The following ITSN1 variants were observed in gnomAD, a reference collection of about 807,000 sequenced individuals.
ITSN1 encodes the protein intersectin-1.
A neutral mutation model predicts 239.8 loss-of-function variants in ITSN1; 58 were observed. That is an observed-to-expected ratio of 0.24 (90% confidence interval 0.20 to 0.30). The LOEUF (loss-of-function observed/expected upper bound fraction) is 0.30, where lower values mean the gene tolerates loss of function less well. Ranked by LOEUF, ITSN1 falls within the 10% of genes least tolerant of loss-of-function variation. The pLI is 1.00. For synonymous variants in ITSN1, 780 were observed against 770.8 expected (o/e 1.01, Z -0.20); for missense variants, 1,558 against 2,103.3 (o/e 0.74, Z 5.07).
chr21:33,898,765 C>G lies in ITSN1; in HGVS notation c.*10465C>G, dbSNP rs1986931011. ...GGTTTTCAACATTTCTTTGAACAGGCTGCGTGCATCTTAATGCTGTCAACC... is the reference window on the plus strand; with the variant it reads ...GGTTTTCAACATTTCTTTGAACAGGGTGCGTGCATCTTAATGCTGTCAACC... On this transcript the variant is annotated 3_prime_UTR_variant, in exon 40 of 40. Transcript: ENST00000381318. 1 of 152,226 alleles carries G rather than the reference C, an allele frequency of 6.6e-6. No individual in the cohort carries two copies. The highest frequency in any genetic ancestry group is 2.4e-5 in the African/African-American group (1 of 41,454). The allele number at this position is 152,226 out of a possible 1,614,324, so 9.4% of individuals were successfully genotyped here. A position where few individuals can be genotyped will look rare whatever the true frequency, so the allele number is the denominator to read the frequency against.
At chr21:33,863,235 G>A (rs1403706568) in intron 31 of ITSN1, among the ~76,000 whole-genome samples, 1 of 152,210 alleles carries the variant, frequency 6.6e-6, no homozygotes, top group Non-Finnish European at 1.5e-5. Context: ...TGCTGGTTGG[G>A]TAACTCTGTT....
At chr21:33,854,443 G>A (rs564793073) in intron 29 of ITSN1, among the ~76,000 whole-genome samples, 4 of 152,250 alleles carry the variant, frequency 2.6e-5, no homozygotes, top group Non-Finnish European at 4.4e-5. Flanking sequence ...CCTTCAACAA[G>A]AAATGGCCTG....
chr21:33,719,457 C>G (rs145947899), intron 2 of ITSN1, among the ~76,000 whole-genome samples: 1 of 152,246 alleles, frequency 6.6e-6, no homozygotes, highest in Non-Finnish European at 1.5e-5. Flanking sequence ...AACAAACAAA[C>G]AAACAATACC....
chr21:33,772,334 G>GA lies in ITSN1; in HGVS notation c.1305+12dup, dbSNP rs1430947876. On this transcript the variant is annotated intron_variant, in intron 12 of 39. Coordinates refer to ENST00000381318, the MANE Select transcript of ITSN1 (RefSeq NM_003024.3). Reference sequence around the variant, plus strand: ...ATTGAGAGGCGAGAGGTAAGCAGGCGAGAGTGGAGCCACCCGGAGTTAGTG... The same window carrying GA: ...ATTGAGAGGCGAGAGGTAAGCAGGCGAAGAGTGGAGCCACCCGGAGTTAGTG... 4.5e-6 allele frequency: 7 copies of GA among 1,550,844 alleles called. No individual in the cohort carries two copies. The East Asian group carries it at 1.7e-4, about 38-fold the overall frequency.
chr21:33,879,983 T>G (rs149152602), intron 34 of ITSN1, among the ~76,000 whole-genome samples: 100 of 152,250 alleles, frequency 6.6e-4, no homozygotes, highest in African/African-American at 2.1e-3. Flanking sequence ...TCCAGCCTAG[T>G]TCTTGTGCTT....
intron 39 of ITSN1, among the ~76,000 whole-genome samples, 200 bp downstream of exon 39, chr21:33,886,660 G>A (rs1020524305): frequency 1.3e-5 from 2 of 152,206 alleles, no homozygotes; most frequent in Non-Finnish European, 2.9e-5. Flanking sequence ...GACAGAGCAT[G>A]CTTGGTCTAG....
chr21:33,642,961 C>T (rs2087540410), intron 1 of ITSN1, among the ~76,000 whole-genome samples: 1 of 150,254 alleles, frequency 6.7e-6, no homozygotes, highest in South Asian at 2.1e-4. Flanking sequence ...AGGCCGGGGG[C>T]CGCGGTGGGC....
In ITSN1 at chr21:33,718,871, A is replaced by C; in HGVS notation, c.28+15A>C. 6.2e-7 allele frequency: 1 copy of C among 1,610,268 alleles called. No individual in the cohort carries two copies. Among genetic ancestry groups the C allele is most frequent in the Non-Finnish European group, 8.5e-7 (1 of 1,177,170 alleles). Reference sequence around the variant, plus strand: ...ACCTTTTGGTGGTAAGTTTTCAGAAATTTCTCTTTTTAATGTACTTTGGGA... The same window carrying C: ...ACCTTTTGGTGGTAAGTTTTCAGAACTTTCTCTTTTTAATGTACTTTGGGA... On this transcript the variant is annotated intron_variant, in intron 2 of 39. Transcript: ENST00000381318.
intron 1 of ITSN1, among the ~76,000 whole-genome samples, chr21:33,655,552 G>T (rs67018442): frequency 0.12 from 17,375 of 150,150 alleles, 1,124 homozygotes; most frequent in East Asian, 0.25. Flanking sequence ...CCCAGAGTGG[G>T]TAGGATTACA....
intron 1 of ITSN1, among the ~76,000 whole-genome samples, chr21:33,678,913 G>A (rs182663979): frequency 6.6e-5 from 10 of 152,158 alleles, no homozygotes; most frequent in South Asian, 4.2e-4. Context: ...AGGGTTTCAC[G>A]GAAGCAGAGA....
At position 33,897,300 on chromosome 21, in the gene ITSN1, C is replaced by T. The variant is rs1986838589; in HGVS notation, c.*9000C>T. On this transcript the variant is annotated 3_prime_UTR_variant, in exon 40 of 40. Coordinates refer to ENST00000381318, the MANE Select transcript of ITSN1 (RefSeq NM_003024.3). ...GTGCCCTCCATGACCCTTCTTATCCCTTGGTGGCCCTGCATAGATAGGGGA... is the reference window on the plus strand; with the variant it reads ...GTGCCCTCCATGACCCTTCTTATCCTTTGGTGGCCCTGCATAGATAGGGGA... 2 of 152,352 alleles carry T rather than the reference C, an allele frequency of 1.3e-5. No individual in the cohort carries two copies. The highest frequency in any genetic ancestry group is 1.3e-4 in the Admixed American group (2 of 15,284). 9.4% of individuals were successfully genotyped at this position (152,352 alleles called of 1,614,324 possible).
intron 33 of ITSN1, among the ~76,000 whole-genome samples, chr21:33,868,106 T>G (rs1981985683): frequency 6.6e-6 from 1 of 152,184 alleles, no homozygotes; most frequent in Non-Finnish European, 1.5e-5. Flanking sequence ...CCTGCTTTTA[T>G]TCTCTTATCT....
intron 30 of ITSN1, among the ~76,000 whole-genome samples, chr21:33,858,087 G>T (rs1195350061): frequency 6.6e-6 from 1 of 152,126 alleles, no homozygotes; most frequent in African/African-American, 2.4e-5. Context: ...GCTTGGAGGG[G>T]CTCATTCATT....
At chr21:33,795,227 G>A (rs2071447237) in intron 17 of ITSN1, among the ~76,000 whole-genome samples, 1 of 152,180 alleles carries the variant, frequency 6.6e-6, no homozygotes, top group African/African-American at 2.4e-5. Context: ...GAGGTGGGCG[G>A]ATCACGAGGT....
intron 1 of ITSN1, among the ~76,000 whole-genome samples, chr21:33,681,448 T>C (rs1474244559): frequency 1.3e-5 from 2 of 151,954 alleles, no homozygotes; most frequent in South Asian, 2.1e-4. Context: ...AGTAACGTAT[T>C]CTGAGGCAGG....
chr21:33,874,576 G>C (rs762472983), intron 33 of ITSN1, among the ~76,000 whole-genome samples: 1 of 152,128 alleles, frequency 6.6e-6, no homozygotes, highest in Non-Finnish European at 1.5e-5. Flanking sequence ...ACTGGGCCTG[G>C]GATGCCTGGG....
At chr21:33,653,763 C>T (rs764374184) in intron 1 of ITSN1, among the ~76,000 whole-genome samples, 28 of 152,146 alleles carry the variant, frequency 1.8e-4, no homozygotes, top group Non-Finnish European at 3.8e-4. Flanking sequence ...ACCTCGTGAT[C>T]CGCCCGTCTC....
At chr21:33,863,675 T>C (rs1432571034) in intron 31 of ITSN1, among the ~76,000 whole-genome samples, 1 of 152,222 alleles carries the variant, frequency 6.6e-6, no homozygotes, top group Admixed American at 6.5e-5. Flanking sequence ...AAGTACTTTT[T>C]ATTCACTTGT....
At position 33,882,422 on chromosome 21, in the gene ITSN1, C is replaced by T. The variant is rs1985079604; in HGVS notation, c.4521C>T (p.Pro1507=). 6.2e-7 allele frequency: 1 copy of T among 1,613,978 alleles called. No homozygotes were observed. Among genetic ancestry groups the T allele is most frequent in the Non-Finnish European group, 8.5e-7 (1 of 1,180,026 alleles). ...GSSGTDKVFS[P]KSNLQYKMYK... ...CTGGCACCGACAAAGTCTTCAGCCC[C>T]AAATCAAACCTGCAGTATAAAATGT... The change falls in exon 35 of 40, where the codon CCC becomes CCT. Residue 1507 remains proline, a synonymous_variant. Transcript: ENST00000381318. This position sits in a 1 kb window ranked among gnomAD's most constrained non-coding sequence, Gnocchi z 4.5.
Sources: gnomAD v4.1 joint callset for allele counts (sites outside exome capture counted in the v4.1 genomes callset) on GRCh38, gnomAD v4.1.1 for gene constraint, Gnocchi (gnomAD v3.1) non-coding constraint, MANE v1.5 for transcripts, NCBI Gene and HGNC (gene_info 2026-07-23, HGNC 2026-07-21) for gene names.